The following NPM1 variants were observed in gnomAD, a reference collection of about 807,000 sequenced individuals.
NPM1 encodes the protein nucleophosmin.
In NPM1, 1 loss-of-function variant was observed where a neutral mutation model predicts 44.1. The ratio of observed to expected loss-of-function variants is 0.02; its 90% CI spans 0.01 to 0.11. NPM1 has a LOEUF of 0.11. NPM1 is among the 10% of genes least tolerant of loss of function. The probability of loss-of-function intolerance (pLI) is 1.00; values close to 1 mark genes in which losing one functional copy is unlikely to be tolerated. For missense variants in NPM1, 197 were observed against 347.8 expected, an observed-to-expected ratio of 0.57 and a Z score of 3.45; for synonymous variants, 126 against 111.8, an observed-to-expected ratio of 1.13 and a Z score of -0.80.
chr5:171,387,641 G>T, upstream of NPM1: 1 of 431,520 alleles, frequency 2.3e-6, no homozygotes, highest in Non-Finnish European at 4.2e-6. Context: ...GGTGGGGCCA[G>T]TGTACGAGTG....
chr5:171,393,515 C>G lies in NPM1; in HGVS notation c.524+537C>G, dbSNP rs577415610. 1.7e-3 allele frequency among the ~76,000 whole-genome samples: 263 copies of G among 152,206 alleles called. 1 individual carries two copies. Among genetic ancestry groups the G allele is most frequent in the African/African-American group, 5.8e-3 (241 of 41,542 alleles). On this transcript the variant is annotated intron_variant, in intron 6 of 10. Transcript: ENST00000296930. ...TATGGTTGGAAACAATATTTGATGA[C>G]TTTATATTAAACTAGATCAAACTAT... is the stretch of plus-strand genomic sequence containing the variant.
chr5:171,407,824 T>C, intron 10 of NPM1, 50 bp downstream of exon 10: 1 of 1,157,424 alleles, frequency 8.6e-7, no homozygotes, highest in Non-Finnish European at 1.3e-6. Flanking sequence ...TTTTGTGATT[T>C]ATTATGATTC....
At chr5:171,392,262 G>C (rs1241479705) in intron 4 of NPM1, among the ~76,000 whole-genome samples, 1 of 152,170 alleles carries the variant, frequency 6.6e-6, no homozygotes, top group African/African-American at 2.4e-5. Flanking sequence ...TTTTAATAAA[G>C]ACAGTCTCAT....
At chr5:171,387,831 G>A (rs1379293680), upstream of NPM1, 2 of 945,508 alleles carry the variant, frequency 2.1e-6, no homozygotes, top group South Asian at 1.4e-5. Context: ...CTATATATAA[G>A]CGCGGGGAGC....
chr5:171,389,413 T>A (rs764417448), intron 1 of NPM1, among the ~76,000 whole-genome samples: 17 of 152,364 alleles, frequency 1.1e-4, no homozygotes, highest in Middle Eastern at 6.8e-3. Flanking sequence ...TTCAAAACAT[T>A]AAGGCTTTAA....
At chr5:171,400,520 G>A (rs1432850775) in intron 7 of NPM1, among the ~76,000 whole-genome samples, 2 of 149,196 alleles carry the variant, frequency 1.3e-5, no homozygotes, top group Admixed American at 6.7e-5. Flanking sequence ...ACAGTGGCGC[G>A]ATCTCAGCTC....
chr5:171,395,152 C>T (rs534333304), intron 6 of NPM1, among the ~76,000 whole-genome samples: 4 of 152,288 alleles, frequency 2.6e-5, no homozygotes, highest in African/African-American at 9.6e-5. Context: ...CGTGTTCCAT[C>T]CTGGGCAACA....
At chr5:171,404,079 G>A (rs1277368121) in intron 8 of NPM1, among the ~76,000 whole-genome samples, 1 of 70,864 alleles carries the variant, frequency 1.4e-5, no homozygotes, top group Non-Finnish European at 2.8e-5. Context: ...CTGGCCGGGC[G>A]GGGGGCTGAC....
intron 6 of NPM1, among the ~76,000 whole-genome samples, chr5:171,393,759 G>A (rs954941698): frequency 6.6e-6 from 1 of 152,186 alleles, no homozygotes; most frequent in African/African-American, 2.4e-5. Flanking sequence ...TAGGTTTTAA[G>A]CTGGTGGTTC....
chr5:171,403,639 G>GA (rs1771366170), intron 8 of NPM1, among the ~76,000 whole-genome samples: 1 of 104,448 alleles, frequency 9.6e-6, no homozygotes, highest in African/African-American at 3.5e-5. Context: ...CAGGGGGGCT[G>GA]ACCCCCCCCA....
chr5:171,410,776 T>C lies in NPM1; in HGVS notation c.*211T>C. On this transcript the variant is annotated 3_prime_UTR_variant, in exon 11 of 11. Transcript: ENST00000296930. ...ACTCCACCCTTTGCTTGGTTTTAAG[T>C]ATGTATGGAATGTTATGATAGGACA... The C allele has an allele frequency of 2.1e-6, 1 of 485,328 alleles. No individual in the cohort carries two copies. The highest frequency in any genetic ancestry group is 3.2e-5 in the East Asian group (1 of 30,908). The allele number at this position is 485,328 out of a possible 1,614,324, so 30.1% of individuals were successfully genotyped here.
chr5:171,400,360 A>C, intron 7 of NPM1, 150 bp downstream of exon 7: 1 of 853,578 alleles, frequency 1.2e-6, no homozygotes, highest in Non-Finnish European at 1.8e-6. Flanking sequence ...CAGAAAACTT[A>C]AGAGTGGGGA....
At chr5:171,393,401 A>C (rs1770698232) in intron 6 of NPM1, among the ~76,000 whole-genome samples, 1 of 152,192 alleles carries the variant, frequency 6.6e-6, no homozygotes, top group African/African-American at 2.4e-5. Flanking sequence ...TTATTCCCTA[A>C]AAGGATTTTG....
At chr5:171,404,642 A>C (rs368871485) in intron 8 of NPM1, among the ~76,000 whole-genome samples, 1 of 128,558 alleles carries the variant, frequency 7.8e-6, no homozygotes, top group African/African-American at 3.0e-5. Context: ...GACGCTCCTC[A>C]CTTTCCAGAC....
chr5:171,405,029 C>T (rs1234780395), intron 8 of NPM1, among the ~76,000 whole-genome samples: 1 of 152,076 alleles, frequency 6.6e-6, no homozygotes, highest in Non-Finnish European at 1.5e-5. Context: ...CCTCCAGCTG[C>T]TGGGCTTAAG....
upstream of NPM1, chr5:171,387,747 G>A (rs1330005940): frequency 4.9e-6 from 3 of 615,004 alleles, no homozygotes; most frequent in Non-Finnish European, 8.7e-6. Context: ...GACGGCTACG[G>A]TACGGGGGTG....
In NPM1 at chr5:171,402,053, C is replaced by CT. The variant is rs34648553; in HGVS notation, c.669+1144dup. ...TTATTCTTAGGGATTTTCTGATTTC[C>CT]TTTTTTTTTTTTTTTTAACCTGATG... On this transcript the variant is annotated intron_variant, in intron 8 of 10. Transcript: ENST00000296930. Among the ~76,000 whole-genome samples, 503 of 133,626 alleles carry CT rather than the reference C, an allele frequency of 3.8e-3. 3 individuals carry two copies. Among genetic ancestry groups the CT allele is most frequent in the South Asian group, 4.6e-3 (19 of 4,090 alleles). 87.7% of individuals were successfully genotyped at this position (133,626 alleles called of 152,430 possible).
intron 6 of NPM1, 55 bp downstream of exon 6, chr5:171,393,033 A>G (rs188323772): frequency 6.4e-7 from 1 of 1,565,856 alleles, no homozygotes; most frequent in African/African-American, 1.4e-5. Context: ...AAAAAAAGGA[A>G]TTTGACATAG....
rs1770331431 is a variant in NPM1, at chr5:171,387,929, T to G, written c.-20T>G. On this transcript the variant is annotated 5_prime_UTR_variant, in exon 1 of 11. Coordinates refer to ENST00000296930, the MANE Select transcript of NPM1 (RefSeq NM_002520.7). ...ATCTCCGTCCGCCTTCTCTCCTACCTAAGTGCGTGCCGCCACCCGATGGAA... is the reference window on the plus strand; with the variant it reads ...ATCTCCGTCCGCCTTCTCTCCTACCGAAGTGCGTGCCGCCACCCGATGGAA... 6.2e-7 allele frequency: 1 copy of G among 1,609,876 alleles called. No homozygotes were observed. The highest frequency in any genetic ancestry group is 8.5e-7 in the Non-Finnish European group (1 of 1,177,992).
Sources: gnomAD v4.1 joint callset for allele counts (sites outside exome capture counted in the v4.1 genomes callset) on GRCh38, gnomAD v4.1.1 for gene constraint, MANE v1.5 for transcripts, NCBI Gene and HGNC (gene_info 2026-07-23, HGNC 2026-07-21) for gene names.